The following PEDS1 variants were observed in gnomAD, a reference collection of about 807,000 sequenced individuals.
PEDS1 encodes the protein CarF homolog.
A neutral mutation model predicts 35.2 loss-of-function variants in PEDS1; 14 were observed. The ratio of observed to expected loss-of-function variants is 0.40; its 90% confidence interval spans 0.26 to 0.62. The LOEUF (loss-of-function observed/expected upper bound fraction) is 0.62. PEDS1 is among the 20% of genes least tolerant of loss of function. The pLI is 0.44. For synonymous variants in PEDS1, 152 were observed against 152.0 expected (o/e 1.00, Z 0.00); for missense variants, 260 against 367.8 (o/e 0.71, Z 2.40).
In PEDS1 at chr20:50,122,661, C is replaced by T. The variant is rs2081061041; in HGVS notation, c.*2397G>A. ...CATTTCCCTGTCCCCAACAGGCTTT[C>T]TTTTTTCTGGCTAATATTGCAGAAA... On this transcript the variant is annotated 3_prime_UTR_variant, in exon 6 of 6. Coordinates refer to ENST00000371652, the MANE Select transcript of PEDS1 (RefSeq NM_199129.4). 1 of 152,186 alleles carries T rather than the reference C, an allele frequency of 6.6e-6. No individual in the cohort carries two copies. Among genetic ancestry groups the T allele is most frequent in the African/African-American group, 2.4e-5 (1 of 41,442 alleles). 9.4% of individuals were successfully genotyped at this position (152,186 alleles called of 1,614,324 possible). A position where few individuals can be genotyped will look rare whatever the true frequency, so the allele number is the denominator to read the frequency against.
intron 5 of PEDS1, among the ~76,000 whole-genome samples, chr20:50,125,815 T>A (rs987815431): frequency 6.6e-6 from 1 of 152,118 alleles, no homozygotes; most frequent in African/African-American, 2.4e-5. Flanking sequence ...ATGGTCTCGA[T>A]CTCTTGACCT....
intron 2 of PEDS1, among the ~76,000 whole-genome samples, chr20:50,140,846 T>C (rs1286120278): frequency 6.6e-6 from 1 of 152,172 alleles, no homozygotes; most frequent in Non-Finnish European, 1.5e-5. Flanking sequence ...TGCCTGCATG[T>C]TAACACACAA....
At chr20:50,134,814 T>A (rs2081216180) in intron 2 of PEDS1, among the ~76,000 whole-genome samples, 1 of 152,236 alleles carries the variant, frequency 6.6e-6, no homozygotes, top group South Asian at 2.1e-4. Context: ...TAGACACACC[T>A]GTCTGACCAA....
chr20:50,134,634 G>A (rs1439127815), intron 2 of PEDS1, among the ~76,000 whole-genome samples: 2 of 152,204 alleles, frequency 1.3e-5, no homozygotes, highest in Non-Finnish European at 2.9e-5. Context: ...GTGGGGCCTC[G>A]CAAGGGATTC....
chr20:50,142,286 G>C (rs1186701979), intron 2 of PEDS1, among the ~76,000 whole-genome samples: 1 of 152,200 alleles, frequency 6.6e-6, no homozygotes, highest in East Asian at 1.9e-4. Flanking sequence ...CCTGAGGCTT[G>C]AGCTAGGGAC....
At chr20:50,153,361 G>C (rs2147315348) in intron 1 of PEDS1, among the ~76,000 whole-genome samples, 156 bp downstream of exon 1, 2 of 152,256 alleles carry the variant, frequency 1.3e-5, no homozygotes, top group African/African-American at 4.8e-5. Context: ...GGTTCGGAAG[G>C]GACACTGGGG....
At chr20:50,140,165 C>T (rs1185348069) in intron 2 of PEDS1, among the ~76,000 whole-genome samples, 1 of 152,254 alleles carries the variant, frequency 6.6e-6, no homozygotes, top group Non-Finnish European at 1.5e-5. Flanking sequence ...CCTGGAAGCA[C>T]ATTCTGGCAG....
At chr20:50,149,289 A>G (rs562055545) in intron 1 of PEDS1, among the ~76,000 whole-genome samples, 1 of 152,196 alleles carries the variant, frequency 6.6e-6, no homozygotes, top group East Asian at 1.9e-4. Context: ...CCCTGTGCCA[A>G]GAGCCTCTGT....
At chr20:50,126,843 C>T (rs2147268530) in intron 5 of PEDS1, among the ~76,000 whole-genome samples, 1 of 152,330 alleles carries the variant, frequency 6.6e-6, no homozygotes. Flanking sequence ...TGGGCATGTT[C>T]CTGCCTCTGG....
chr20:50,140,391 C>T (rs928081418), intron 2 of PEDS1, among the ~76,000 whole-genome samples: 3 of 152,242 alleles, frequency 2.0e-5, no homozygotes, highest in Non-Finnish European at 4.4e-5. Context: ...TTCTCATGAC[C>T]CCATATCCAG....
intron 1 of PEDS1, among the ~76,000 whole-genome samples, chr20:50,146,987 G>A (rs2081351800): frequency 6.6e-6 from 1 of 152,164 alleles, no homozygotes; most frequent in Non-Finnish European, 1.5e-5. Context: ...ACCCCGAGTG[G>A]GTGGGGTGGG....
At chr20:50,127,527 G>A (rs2081121671) in intron 5 of PEDS1, among the ~76,000 whole-genome samples, 1 of 151,974 alleles carries the variant, frequency 6.6e-6, no homozygotes, top group South Asian at 2.1e-4. Flanking sequence ...CGTATTTTTA[G>A]TAGAGATGGG....
chr20:50,140,451 T>G (rs909673289), intron 2 of PEDS1, among the ~76,000 whole-genome samples: 4 of 152,280 alleles, frequency 2.6e-5, no homozygotes, highest in African/African-American at 7.2e-5. Flanking sequence ...CTTGCTGGGC[T>G]GCCACAATTT....
rs765930318 is a variant in PEDS1 at position 50,153,633 on chromosome 20, G to T, written c.5C>A (p.Ala2Glu). Residue 2 changes from alanine to glutamate, a missense_variant, in exon 1 of 6, where the codon GCG becomes GAG. Coordinates refer to ENST00000371652, the MANE Select transcript of PEDS1 (RefSeq NM_199129.4). MAGAENWPGQQL... is the reference protein window; with the variant it reads MEGAENWPGQQL... ...CTGGCCCGGCCAGTTCTCGGCGCCCGCCATGGCCACTCGCCCGATCGGCCC... is the reference window on the plus strand; with the variant it reads ...CTGGCCCGGCCAGTTCTCGGCGCCCTCCATGGCCACTCGCCCGATCGGCCC... 5 of 1,261,368 alleles carry T rather than the reference G, an allele frequency of 4.0e-6. No individual in the cohort carries two copies. In the Admixed American group the frequency reaches 1.7e-4, roughly 42 times the overall value. 78.1% of individuals were successfully genotyped at this position (1,261,368 alleles called of 1,614,324 possible).
At chr20:50,137,714 C>T (rs898947944) in intron 2 of PEDS1, among the ~76,000 whole-genome samples, 3 of 152,116 alleles carry the variant, frequency 2.0e-5, no homozygotes, top group Admixed American at 6.5e-5. Context: ...CTACTAAAAA[C>T]GCAAAAATTA....
chr20:50,136,998 T>C (rs901780096), intron 2 of PEDS1, among the ~76,000 whole-genome samples: 2 of 151,872 alleles, frequency 1.3e-5, no homozygotes, highest in Admixed American at 6.6e-5. Context: ...GTCACTGCAC[T>C]CCAGCCTGGG....
Position 50,147,357 on chromosome 20 carries a change from G to A in PEDS1, c.122-3736C>T, listed in dbSNP as rs777997174. Among the ~76,000 whole-genome samples, 12 of 152,350 alleles carry A rather than the reference G, an allele frequency of 7.9e-5. No individual in the cohort carries two copies. The Middle Eastern group carries it at 0.01, about 130-fold the overall frequency. ...GCTGCCCCCATCCAATGGGATATGA[G>A]CTCCAGGTTCACCCTGGTCCTCTCC... On this transcript the variant is annotated intron_variant, in intron 1 of 5. Transcript: ENST00000371652.
intron 2 of PEDS1, among the ~76,000 whole-genome samples, chr20:50,142,920 T>G (rs1251052625): frequency 6.6e-6 from 1 of 151,916 alleles, no homozygotes; most frequent in African/African-American, 2.4e-5. Flanking sequence ...AGACGCACAG[T>G]CAGGGGGCCA....
chr20:50,144,133 G>T (rs1034224869), intron 1 of PEDS1, among the ~76,000 whole-genome samples: 1 of 152,168 alleles, frequency 6.6e-6, no homozygotes, highest in Admixed American at 6.5e-5. Context: ...GTCAGGGCTG[G>T]ATGCATTAAA....
Sources: gnomAD v4.1 joint callset for allele counts (sites outside exome capture counted in the v4.1 genomes callset) on GRCh38, gnomAD v4.1.1 for gene constraint, MANE v1.5 for transcripts, NCBI Gene and HGNC (gene_info 2026-07-23, HGNC 2026-07-21) for gene names.